Variants in FAM171A1 observed in about 807,000 individuals in gnomAD.
FAM171A1 encodes the protein family with sequence similarity 171 member A1, also known as protein FAM171A1.
FAM171A1 carries 23 observed loss-of-function variants against 74.9 expected under a neutral mutation model. The ratio of observed to expected loss-of-function variants is 0.31; its 90% CI spans 0.22 to 0.44. FAM171A1 has a LOEUF of 0.44. Among genes scored for constraint, FAM171A1 ranks in the 20% least tolerant of loss-of-function variants. The pLI is 1.00. For synonymous variants in FAM171A1, 527 were observed against 505.7 expected, an observed-to-expected ratio of 1.04 and a Z score of -0.57; for missense variants, 1,162 against 1,159.2, an observed-to-expected ratio of 1.00 and a Z score of -0.03.
At chr10:15,227,289 C>A (rs1320525681) in intron 5 of FAM171A1, among the ~76,000 whole-genome samples, 2 of 152,222 alleles carry the variant, frequency 1.3e-5, no homozygotes, top group African/African-American at 2.4e-5. Context: ...GTGTGAGCCA[C>A]TGCACCCGGC....
chr10:15,329,582 T>A (rs1294477448), intron 1 of FAM171A1, among the ~76,000 whole-genome samples: 1 of 147,258 alleles, frequency 6.8e-6, no homozygotes, highest in African/African-American at 2.5e-5. Context: ...AACGTGATCA[T>A]GCCACTGCAC....
chr10:15,240,622 C>T (rs531706145), intron 5 of FAM171A1, among the ~76,000 whole-genome samples: 6 of 152,230 alleles, frequency 3.9e-5, no homozygotes, highest in South Asian at 2.1e-4. Flanking sequence ...CCCACTCTCA[C>T]GGGGTTTGAA....
rs1188924387 is a variant in FAM171A1, at chr10:15,322,217, GCTTT to G, written c.98-38116_98-38113del. On this transcript the variant is annotated intron_variant, in intron 1 of 7. Coordinates refer to ENST00000378116, the MANE Select transcript of FAM171A1 (RefSeq NM_001010924.2). Reference sequence around the variant, plus strand: ...GTTCTAAATGGACAAATAATGCGTTGCTTTCTTTGACAGCTGTTCAATAACTGAA... The same window carrying G: ...GTTCTAAATGGACAAATAATGCGTTGCTTTGACAGCTGTTCAATAACTGAA... 1.2e-4 allele frequency among the ~76,000 whole-genome samples: 18 copies of G among 152,278 alleles called. No homozygotes were observed. The South Asian group carries it at 2.1e-3, about 18-fold the overall frequency.
intron 1 of FAM171A1, among the ~76,000 whole-genome samples, chr10:15,331,106 T>C (rs1215814483): frequency 6.6e-6 from 1 of 152,036 alleles, no homozygotes; most frequent in Non-Finnish European, 1.5e-5. Flanking sequence ...GCCAGGCTGG[T>C]CTCAAACTCC....
intron 1 of FAM171A1, among the ~76,000 whole-genome samples, chr10:15,298,160 T>C (rs1835183069): frequency 6.6e-6 from 1 of 152,054 alleles, no homozygotes; most frequent in Admixed American, 6.6e-5. Flanking sequence ...GGAGTTTCAC[T>C]CTTGTCACCC....
At chr10:15,352,356 T>C (rs1835890028) in intron 1 of FAM171A1, among the ~76,000 whole-genome samples, 1 of 152,134 alleles carries the variant, frequency 6.6e-6, no homozygotes, top group East Asian at 1.9e-4. Flanking sequence ...GAAGTCAAAG[T>C]TCAGAAATAA....
Position 15,213,697 on chromosome 10 carries a change from A to C in FAM171A1, c.1891T>G (p.Ser631Ala). Residue 631 changes from serine to alanine, a missense_variant, in exon 8 of 8, where the codon TCA (serine) becomes GCA (alanine). Transcript: ENST00000378116. The surrounding 1 kb of genome is among the most constrained non-coding windows in gnomAD (Gnocchi z 6.8). ...PHAGIFPHPS[S>A]QIQPQPLSSQ... is the part of the protein sequence containing the mutation. ...GACAGGGGCTGGGGCTGGATCTGTG[A>C]GGACGGGTGTGGGAAGATCCCGGCA... The C allele has an allele frequency of 1.2e-6, 2 of 1,612,642 alleles. No individual in the cohort carries two copies. The highest frequency in any genetic ancestry group is 1.7e-6 in the Non-Finnish European group (2 of 1,179,094).
chr10:15,334,733 C>A (rs1165108113), intron 1 of FAM171A1, among the ~76,000 whole-genome samples: 1 of 152,176 alleles, frequency 6.6e-6, no homozygotes. Context: ...CCCAGATCTT[C>A]TAAGGCAGGT....
chr10:15,262,404 G>A (rs1258119185), intron 3 of FAM171A1, among the ~76,000 whole-genome samples: 1 of 152,212 alleles, frequency 6.6e-6, no homozygotes. Flanking sequence ...GATAGGCAGA[G>A]CAGGAAGAAC....
chr10:15,294,078 C>G (rs1362497488), intron 1 of FAM171A1, among the ~76,000 whole-genome samples: 1 of 152,204 alleles, frequency 6.6e-6, no homozygotes, highest in African/African-American at 2.4e-5. Context: ...TGGTTGGGAG[C>G]AGCAGGGGTG....
intron 5 of FAM171A1, among the ~76,000 whole-genome samples, chr10:15,228,882 A>G (rs568918904): frequency 6.6e-6 from 1 of 152,326 alleles, no homozygotes; most frequent in Admixed American, 6.5e-5. Context: ...CACTGGTGCA[A>G]TCCTAGAGCC....
chr10:15,294,152 A>C (rs1304833913), intron 1 of FAM171A1, among the ~76,000 whole-genome samples: 1 of 152,196 alleles, frequency 6.6e-6, no homozygotes, highest in African/African-American at 2.4e-5. Flanking sequence ...CTCCTCCCAC[A>C]AGTTCTGTGT....
rs185473677 is a variant in FAM171A1, at chr10:15,344,503, C to T, written c.97+26453G>A. On this transcript the variant is annotated intron_variant, in intron 1 of 7. Coordinates refer to ENST00000378116, the MANE Select transcript of FAM171A1 (RefSeq NM_001010924.2). The stretch of plus-strand genomic sequence containing the variant: ...CAAGGCTGCAGTGACCAAAACTGCA[C>T]CATTGCACTCCAGCCTAGGTGACAG... 3.3e-5 allele frequency among the ~76,000 whole-genome samples: 5 copies of T among 152,266 alleles called. No individual in the cohort carries two copies. In the East Asian group the frequency reaches 9.7e-4, roughly 29 times the overall value.
intron 1 of FAM171A1, among the ~76,000 whole-genome samples, chr10:15,362,238 T>C (rs73592943): frequency 0.022 from 3,378 of 152,318 alleles, 111 homozygotes; most frequent in African/African-American, 0.077. Flanking sequence ...TGAAAATCAC[T>C]AAAGCACCAG....
intron 1 of FAM171A1, among the ~76,000 whole-genome samples, chr10:15,361,950 A>T (rs1159009412): frequency 6.6e-6 from 1 of 152,232 alleles, no homozygotes; most frequent in African/African-American, 2.4e-5. Context: ...AGATTAAAAC[A>T]AGGCAAACAA....
chr10:15,340,926 G>A (rs962831871), intron 1 of FAM171A1, among the ~76,000 whole-genome samples: 1 of 152,026 alleles, frequency 6.6e-6, no homozygotes, highest in Non-Finnish European at 1.5e-5. Context: ...GGGTGGGGAG[G>A]GCATGGGCTT....
intron 1 of FAM171A1, among the ~76,000 whole-genome samples, chr10:15,349,034 A>G (rs1835849427): frequency 1.3e-5 from 2 of 152,142 alleles, no homozygotes; most frequent in African/African-American, 4.8e-5. Context: ...GGGAGGGAGG[A>G]AATGGAAACC....
chr10:15,346,026 G>C (rs754573316), intron 1 of FAM171A1, among the ~76,000 whole-genome samples: 1 of 152,192 alleles, frequency 6.6e-6, no homozygotes, highest in Non-Finnish European at 1.5e-5. Context: ...AGATTGTATA[G>C]ACAGCAGCTT....
intron 1 of FAM171A1, among the ~76,000 whole-genome samples, chr10:15,304,328 A>C (rs1413625733): frequency 6.6e-6 from 1 of 151,944 alleles, no homozygotes; most frequent in African/African-American, 2.4e-5. Context: ...ACTCCTGGAG[A>C]TCATAAACTA....
Sources: allele counts gnomAD v4.1 joint callset (sites outside exome capture counted in the v4.1 genomes callset), GRCh38; gene constraint gnomAD v4.1.1; non-coding constraint Gnocchi (gnomAD v3.1); transcripts MANE v1.5; gene names NCBI Gene and HGNC (gene_info 2026-07-23, HGNC 2026-07-21).